The following YAE1 variants were observed in gnomAD, a reference collection of about 807,000 sequenced individuals.
YAE1 encodes the protein protein YAE1 homolog.
Under a neutral mutation model 23.0 loss-of-function variants are expected in YAE1, and 22 were observed. The observed-to-expected ratio is 0.96, with a 90% CI of 0.68 to 1.37. The LOEUF is 1.37. YAE1 is among the 40% of genes most tolerant of loss of function. The probability of loss-of-function intolerance (pLI) is 0.00; values close to 1 mark genes in which losing one functional copy is unlikely to be tolerated. For synonymous variants in YAE1, 101 were observed against 97.0 expected (o/e 1.04, Z -0.24); for missense variants, 260 against 262.1 (o/e 0.99, Z 0.06).
downstream of YAE1, among the ~76,000 whole-genome samples, chr7:39,575,261 A>G (rs1395209593): frequency 6.6e-6 from 1 of 152,082 alleles, no homozygotes; most frequent in Non-Finnish European, 1.5e-5. Flanking sequence ...AGGTTTTTAA[A>G]AAGGGTGATA....
chr7:39,578,842 C>A (rs938123411), intron 2 of YAE1, among the ~76,000 whole-genome samples: 1 of 152,108 alleles, frequency 6.6e-6, no homozygotes, highest in East Asian at 1.9e-4. Context: ...TAAACAGTTA[C>A]GTTAATATAA....
intron 2 of YAE1, among the ~76,000 whole-genome samples, chr7:39,587,001 GTCTT>G (rs1161850921): frequency 1.2e-5 from 1 of 83,660 alleles, no homozygotes; most frequent in Admixed American, 1.4e-4. Context: ...CCTGGAAAGA[GTCTT>G]TCTTTTCTTT....
chr7:39,574,717 A>G (rs968419673), downstream of YAE1, among the ~76,000 whole-genome samples: 1 of 140,636 alleles, frequency 7.1e-6, no homozygotes, highest in Non-Finnish European at 1.5e-5. Context: ...TGGGTGACAG[A>G]GCAAGACTCT....
At chr7:39,593,216 G>A (rs1296495731) in intron 2 of YAE1, among the ~76,000 whole-genome samples, 2 of 95,990 alleles carry the variant, frequency 2.1e-5, no homozygotes, top group African/African-American at 4.2e-5. Flanking sequence ...ACAGAGTCTC[G>A]CTTTGTCACC....
intron 2 of YAE1, among the ~76,000 whole-genome samples, chr7:39,590,520 A>C (rs1412067895): frequency 6.6e-6 from 1 of 152,188 alleles, no homozygotes; most frequent in Non-Finnish European, 1.5e-5. Context: ...GAAATTCAGA[A>C]TTCAGATGTT....
chr7:39,575,569 A>AGAGAGAGAGAGAGT (rs1790643007), downstream of YAE1, among the ~76,000 whole-genome samples: 5 of 95,032 alleles, frequency 5.3e-5, no homozygotes, highest in Admixed American at 2.8e-4. Flanking sequence ...AGAGAGAGAG[A>AGAGAGAGAGAGAGT]GAGAGAGAGT....
intron 2 of YAE1, among the ~76,000 whole-genome samples, chr7:39,594,536 G>A (rs1400029723): frequency 6.6e-6 from 1 of 151,622 alleles, no homozygotes; most frequent in Non-Finnish European, 1.5e-5. Flanking sequence ...TTTGTTCAGA[G>A]TTTATAAGTA....
In YAE1 at chr7:39,601,614, G is replaced by T. The variant is rs560324829; in HGVS notation, c.252-8003G>T. On this transcript the variant is annotated intron_variant, in intron 2 of 2. Transcript: ENST00000432096. ...ATCTCTACTAAAAATACAAAAATTAGTCGGGCATGGTGGCGGGCGCCTGTA... is the reference window on the plus strand; with the variant it reads ...ATCTCTACTAAAAATACAAAAATTATTCGGGCATGGTGGCGGGCGCCTGTA... Among the ~76,000 whole-genome samples the T allele has an allele frequency of 2.0e-5, 3 of 152,064 alleles. No homozygotes were observed. The South Asian group carries it at 6.2e-4, about 32-fold the overall frequency.
In YAE1 at chr7:39,594,117, C is replaced by G. The variant is rs192127095; in HGVS notation, c.252-15500C>G. Among the ~76,000 whole-genome samples, 7 of 152,336 alleles carry G rather than the reference C, an allele frequency of 4.6e-5. No homozygotes were observed. The East Asian group carries it at 1.2e-3, about 25-fold the overall frequency. On this transcript the variant is annotated intron_variant, in intron 2 of 2. Transcript: ENST00000432096. ...GAACTCAAACTCCAAACTCTACCCCCTCTATGTTGGGCAGTAGCTGAAATC... is the reference window on the plus strand; with the variant it reads ...GAACTCAAACTCCAAACTCTACCCCGTCTATGTTGGGCAGTAGCTGAAATC...
intron 2 of YAE1, among the ~76,000 whole-genome samples, chr7:39,588,965 G>A (rs117351293): frequency 0.054 from 8,264 of 151,996 alleles, 294 homozygotes; most frequent in East Asian, 0.12. Context: ...TTGGATTACA[G>A]GCATGCATTA....
chr7:39,586,329 T>C (rs10270753), intron 2 of YAE1, among the ~76,000 whole-genome samples: 110,169 of 148,030 alleles, frequency 0.74, 42,268 homozygotes, highest in East Asian at 0.98. Context: ...CCTGCCACCA[T>C]GCCCGGCTAA....
At chr7:39,576,594 C>G (rs6980317), downstream of YAE1, among the ~76,000 whole-genome samples, 7,342 of 152,240 alleles carry the variant, frequency 0.048, 571 homozygotes, top group African/African-American at 0.17. Context: ...CACGTCCTTT[C>G]CCAGCAAATT....
chr7:39,577,057 G>A (rs965468264), downstream of YAE1, among the ~76,000 whole-genome samples: 2 of 152,016 alleles, frequency 1.3e-5, no homozygotes, highest in African/African-American at 4.8e-5. Context: ...ACCACACCCA[G>A]CTAATTTTTT....
intron 2 of YAE1, among the ~76,000 whole-genome samples, chr7:39,588,102 T>C: frequency 6.6e-6 from 1 of 152,232 alleles, no homozygotes; most frequent in East Asian, 1.9e-4. Context: ...TTCCTTTTGC[T>C]CCAGCCTAAA....
chr7:39,571,280 T>C (rs552601676), intron 2 of YAE1, among the ~76,000 whole-genome samples: 6 of 150,636 alleles, frequency 4.0e-5, no homozygotes, highest in Non-Finnish European at 8.9e-5. Flanking sequence ...TTTTTTCTTT[T>C]TTTTTTTTTT....
downstream of YAE1, among the ~76,000 whole-genome samples, chr7:39,573,096 ATAACT>A (rs151067943): frequency 0.017 from 2,562 of 152,280 alleles, 83 homozygotes; most frequent in African/African-American, 0.057. Context: ...AGTTATAAAA[ATAACT>A]TAATAGTTAA....
At chr7:39,594,681 A>G (rs1170046318) in intron 2 of YAE1, among the ~76,000 whole-genome samples, 1 of 151,652 alleles carries the variant, frequency 6.6e-6, no homozygotes, top group African/African-American at 2.4e-5. Flanking sequence ...GTTCACTGAA[A>G]CCTCCTGGGT....
intron 2 of YAE1, among the ~76,000 whole-genome samples, chr7:39,598,887 GAC>G (rs1395205838): frequency 6.7e-6 from 1 of 149,352 alleles, no homozygotes; most frequent in Non-Finnish European, 1.5e-5. Context: ...ATAAAGGAAA[GAC>G]TTTTTTTTTT....
chr7:39,611,951 G>A (rs376684501), downstream of YAE1, among the ~76,000 whole-genome samples: 2 of 152,106 alleles, frequency 1.3e-5, no homozygotes, highest in Admixed American at 6.5e-5. Flanking sequence ...GATAGTCCTG[G>A]AATATTCATA....
Sources: gnomAD v4.1 joint callset for allele counts (sites outside exome capture counted in the v4.1 genomes callset) on GRCh38, gnomAD v4.1.1 for gene constraint, MANE v1.5 for transcripts, NCBI Gene and HGNC (gene_info 2026-07-23, HGNC 2026-07-21) for gene names.